The following PKIB variants were observed in gnomAD, a reference collection of about 807,000 sequenced individuals.
PKIB encodes the protein cAMP-dependent protein kinase inhibitor beta.
In PKIB, 2 loss-of-function variants were observed where a neutral mutation model predicts 4.5. That is an observed-to-expected ratio of 0.44 (90% CI 0.18 to 1.39). PKIB has a LOEUF of 1.39. PKIB is among the 40% of genes most tolerant of loss of function. The probability of loss-of-function intolerance (pLI) is 0.27; values close to 1 mark genes in which losing one functional copy is unlikely to be tolerated. For missense variants in PKIB, 94 were observed against 92.6 expected, an observed-to-expected ratio of 1.02 and a Z score of -0.06; for synonymous variants, 38 against 36.0, an observed-to-expected ratio of 1.06 and a Z score of -0.20.
At chr6:122,511,051 A>C (rs1245076629) in intron 2 of PKIB, among the ~76,000 whole-genome samples, 1 of 152,142 alleles carries the variant, frequency 6.6e-6, no homozygotes, top group East Asian at 1.9e-4. Context: ...GTTAGTACTT[A>C]GTAGACGTGG....
intron 1 of PKIB, among the ~76,000 whole-genome samples, chr6:122,617,954 CT>C (rs1341429200): frequency 6.6e-6 from 1 of 151,914 alleles, no homozygotes; most frequent in Non-Finnish European, 1.5e-5. Flanking sequence ...ACATTTCTTC[CT>C]CTTAAAATTA....
intron 2 of PKIB, among the ~76,000 whole-genome samples, chr6:122,667,252 T>C (rs140456718): frequency 0.01 from 1,579 of 152,310 alleles, 26 homozygotes; most frequent in African/African-American, 0.035. Flanking sequence ...TAACCTCAGA[T>C]ATACCTATTA....
chr6:122,588,543 G>T, intron 3 of PKIB, among the ~76,000 whole-genome samples: 1 of 152,158 alleles, frequency 6.6e-6, no homozygotes, highest in East Asian at 1.9e-4. Context: ...CAAGGCTACA[G>T]TAACCAAAAC....
At chr6:122,710,200 G>A (rs1430334845) in intron 3 of PKIB, among the ~76,000 whole-genome samples, 1 of 152,104 alleles carries the variant, frequency 6.6e-6, no homozygotes, top group East Asian at 1.9e-4. Flanking sequence ...ACATTGGTAA[G>A]AATTAACTTC....
intron 2 of PKIB, among the ~76,000 whole-genome samples, chr6:122,496,229 G>A (rs1776073426): frequency 6.6e-6 from 1 of 152,194 alleles, no homozygotes; most frequent in African/African-American, 2.4e-5. Context: ...TGAAGTGACA[G>A]AAGTGCAAAG....
At position 122,539,815 on chromosome 6, in the gene PKIB, C is replaced by CT. The variant is rs541815169; in HGVS notation, c.-247-46099dup. ...GGCTGTGAATCCATCTGGTCCTGGACTTTTTTTGGTTCGTAAGCTATTGAT... is the reference window on the plus strand; with the variant it reads ...GGCTGTGAATCCATCTGGTCCTGGACTTTTTTTTGGTTCGTAAGCTATTGAT... On this transcript the variant is annotated intron_variant, in intron 2 of 6. Coordinates refer to the PKIB transcript ENST00000392491. 6.9e-3 allele frequency among the ~76,000 whole-genome samples: 1,048 copies of CT among 152,024 alleles called. 30 individuals carry two copies. The highest frequency in any genetic ancestry group is 0.024 in the African/African-American group (984 of 41,374).
At chr6:122,493,906 T>C (rs1172102512) in intron 2 of PKIB, among the ~76,000 whole-genome samples, 1 of 152,168 alleles carries the variant, frequency 6.6e-6, no homozygotes, top group Non-Finnish European at 1.5e-5. Context: ...ATTTATCTAC[T>C]GTGGCTCTTC....
chr6:122,522,528 T>C (rs980314534), intron 2 of PKIB, among the ~76,000 whole-genome samples: 1 of 152,244 alleles, frequency 6.6e-6, no homozygotes, highest in Non-Finnish European at 1.5e-5. Flanking sequence ...TCCAGCTTTG[T>C]GCTTGAAGCT....
chr6:122,593,308 T>C (rs1324458379), intron 3 of PKIB, among the ~76,000 whole-genome samples: 1 of 152,212 alleles, frequency 6.6e-6, no homozygotes, highest in Non-Finnish European at 1.5e-5. Flanking sequence ...CTGCAGCAAG[T>C]TTATATGCTT....
intron 2 of PKIB, among the ~76,000 whole-genome samples, chr6:122,498,941 G>A (rs1406735801): frequency 6.6e-6 from 1 of 152,172 alleles, no homozygotes; most frequent in Non-Finnish European, 1.5e-5. Context: ...ACACCTCTAT[G>A]TATACAAATT....
chr6:122,715,243 A>G (rs1371372056), intron 3 of PKIB, among the ~76,000 whole-genome samples: 1 of 152,106 alleles, frequency 6.6e-6, no homozygotes, highest in East Asian at 1.9e-4. Flanking sequence ...CGCATATCTT[A>G]ACATTTTAAA....
At chr6:122,507,474 C>G (rs1440539297) in intron 2 of PKIB, among the ~76,000 whole-genome samples, 1 of 152,048 alleles carries the variant, frequency 6.6e-6, no homozygotes. Flanking sequence ...ATTATAGTCA[C>G]CATCAGGTTA....
intron 3 of PKIB, among the ~76,000 whole-genome samples, chr6:122,706,158 A>G (rs1046924947): frequency 1.3e-5 from 2 of 152,140 alleles, no homozygotes; most frequent in African/African-American, 4.8e-5. Flanking sequence ...GATTCCTCCC[A>G]AATTTTGAGG....
chr6:122,716,634 A>AC (rs1779508769), intron 3 of PKIB, among the ~76,000 whole-genome samples: 2 of 4,450 alleles, frequency 4.5e-4, no homozygotes, highest in African/African-American at 5.1e-4. Context: ...AACCAAAAAT[A>AC]TTGTTTCTAA....
intron 2 of PKIB, among the ~76,000 whole-genome samples, chr6:122,552,762 A>G (rs1231868001): frequency 6.6e-6 from 1 of 152,040 alleles, no homozygotes; most frequent in East Asian, 1.9e-4. Context: ...TGGTGTTTTT[A>G]TTTCCAGCAA....
rs796300760 is a variant in PKIB, at chr6:122,615,218, G to C, written c.-161+4683G>C. Reference sequence around the variant, plus strand: ...AAAGAAAAAAAAAATTTTTAAATATGTCTTTCTAACATGCCATGAAGCTGT... The same window carrying C: ...AAAGAAAAAAAAAATTTTTAAATATCTCTTTCTAACATGCCATGAAGCTGT... On this transcript the variant is annotated intron_variant, in intron 1 of 4. Transcript: ENST00000368452. 1.9e-4 allele frequency among the ~76,000 whole-genome samples: 29 copies of C among 152,184 alleles called. 1 individual carries two copies. Among genetic ancestry groups the C allele is most frequent in the African/African-American group, 7.0e-4 (29 of 41,540 alleles).
At chr6:122,681,126 G>A (rs1252529103) in intron 3 of PKIB, among the ~76,000 whole-genome samples, 1 of 151,980 alleles carries the variant, frequency 6.6e-6, no homozygotes, top group Non-Finnish European at 1.5e-5. Context: ...CAATGAGCCA[G>A]GTCCTGACAC....
At chr6:122,613,239 T>C (rs1038433854) in intron 1 of PKIB, among the ~76,000 whole-genome samples, 8 of 152,196 alleles carry the variant, frequency 5.3e-5, no homozygotes, top group African/African-American at 1.9e-4. Context: ...TGGTTTTCCA[T>C]TTCTTCAATG....
At chr6:122,553,126 G>A (rs1007836338) in intron 2 of PKIB, among the ~76,000 whole-genome samples, 2 of 152,016 alleles carry the variant, frequency 1.3e-5, no homozygotes, top group African/African-American at 4.8e-5. Flanking sequence ...AAAGCTCTCT[G>A]TCACCCGCAA....
Sources: allele counts gnomAD v4.1 joint callset (sites outside exome capture counted in the v4.1 genomes callset), GRCh38; gene constraint gnomAD v4.1.1; transcripts MANE v1.5; gene names NCBI Gene and HGNC (gene_info 2026-07-23, HGNC 2026-07-21).